ADAMTS12: variants seen among roughly 807,000 people sequenced by gnomAD.
ADAMTS12 encodes ADAM metallopeptidase with thrombospondin type 1 motif 12.
In ADAMTS12, 118 loss-of-function variants were observed where a neutral mutation model predicts 167.8. The observed-to-expected ratio is 0.70, with a 90% confidence interval of 0.61 to 0.82. The LOEUF is 0.82. Ranked by LOEUF, ADAMTS12 falls within the 40% of genes least tolerant of loss-of-function variation. The pLI, the probability that ADAMTS12 is intolerant of heterozygous loss-of-function variation, is 0.00. For synonymous variants in ADAMTS12, 704 were observed against 716.9 expected (o/e 0.98, Z 0.29); for missense variants, 1,916 against 1,998.8 (o/e 0.96, Z 0.79).
At chr5:33,814,542 T>C (rs1322567167) in intron 2 of ADAMTS12, among the ~76,000 whole-genome samples, 5 of 152,194 alleles carry the variant, frequency 3.3e-5, no homozygotes. Flanking sequence ...AGGATGAAGA[T>C]ATAAATTTGG....
At chr5:33,575,834 T>C (rs1746671242) in intron 19 of ADAMTS12, among the ~76,000 whole-genome samples, 1 of 152,318 alleles carries the variant, frequency 6.6e-6, no homozygotes, top group South Asian at 2.1e-4. Flanking sequence ...CTAGACAATA[T>C]ATCTATACAA....
intron 2 of ADAMTS12, among the ~76,000 whole-genome samples, chr5:33,869,157 C>T (rs1278637221): frequency 6.6e-6 from 1 of 152,150 alleles, no homozygotes; most frequent in Non-Finnish European, 1.5e-5. Flanking sequence ...GGCACTACTG[C>T]CCTGTGCAAC....
chr5:33,780,198 A>G (rs550858094), intron 2 of ADAMTS12, among the ~76,000 whole-genome samples: 10 of 152,330 alleles, frequency 6.6e-5, no homozygotes, highest in African/African-American at 2.4e-4. Context: ...AAGAGGAGTA[A>G]AAATTTACCT....
intron 3 of ADAMTS12, among the ~76,000 whole-genome samples, chr5:33,742,128 C>A (rs969895609): frequency 6.6e-6 from 1 of 152,040 alleles, no homozygotes; most frequent in Admixed American, 6.5e-5. Context: ...ATTAAAATTT[C>A]TTGAGGAAAA....
chr5:33,737,952 A>G (rs1744428398), intron 3 of ADAMTS12, among the ~76,000 whole-genome samples: 1 of 152,208 alleles, frequency 6.6e-6, no homozygotes, highest in African/African-American at 2.4e-5. Flanking sequence ...TAACAGTAGT[A>G]GGAAAGTAGT....
At chr5:33,791,631 G>T (rs1035831603) in intron 2 of ADAMTS12, among the ~76,000 whole-genome samples, 1 of 152,196 alleles carries the variant, frequency 6.6e-6, no homozygotes, top group African/African-American at 2.4e-5. Context: ...ATTCTCTAGA[G>T]AAAATGTCCA....
intron 5 of ADAMTS12, among the ~76,000 whole-genome samples, chr5:33,682,817 T>C (rs1742175290): frequency 6.6e-6 from 1 of 152,212 alleles, no homozygotes; most frequent in Non-Finnish European, 1.5e-5. Flanking sequence ...TTCAACTATG[T>C]ATATTTTGGA....
At chr5:33,719,295 G>A (rs898640856) in intron 3 of ADAMTS12, among the ~76,000 whole-genome samples, 29 of 152,220 alleles carry the variant, frequency 1.9e-4, no homozygotes, top group African/African-American at 4.6e-4. Flanking sequence ...TGAAGGGAGC[G>A]CTCTGGAGGG....
At chr5:33,886,040 A>G (rs1407791466) in intron 1 of ADAMTS12, among the ~76,000 whole-genome samples, 1 of 152,228 alleles carries the variant, frequency 6.6e-6, no homozygotes, top group Non-Finnish European at 1.5e-5. Context: ...TTATCCAGAA[A>G]ATAACAATTT....
intron 3 of ADAMTS12, among the ~76,000 whole-genome samples, chr5:33,691,643 G>C (rs1742550582): frequency 6.6e-6 from 1 of 152,206 alleles, no homozygotes; most frequent in South Asian, 2.1e-4. Flanking sequence ...TCTGTGGAAA[G>C]ATGGGTGATG....
At position 33,792,511 on chromosome 5, in the gene ADAMTS12, C is replaced by T. The variant is rs1746617285; in HGVS notation, c.490-40963G>A. Among the ~76,000 whole-genome samples, 3 of 152,098 alleles carry T rather than the reference C, an allele frequency of 2.0e-5. No individual in the cohort carries two copies. In the South Asian group the frequency reaches 6.2e-4, roughly 32 times the overall value. On this transcript the variant is annotated intron_variant, in intron 2 of 23. Transcript: ENST00000504830. Reference sequence around the variant, plus strand: ...CTCTACAGTTTACATAATTGACATCCAATTATTGAATTTGGTGGGCTTATT... The same window carrying T: ...CTCTACAGTTTACATAATTGACATCTAATTATTGAATTTGGTGGGCTTATT...
chr5:33,723,499 C>CT (rs1483140929), intron 3 of ADAMTS12, among the ~76,000 whole-genome samples: 2 of 152,254 alleles, frequency 1.3e-5, no homozygotes, highest in East Asian at 3.9e-4. Context: ...ATTGTTCTTT[C>CT]TTTAACAGGG....
At chr5:33,727,067 C>G (rs1461440138) in intron 3 of ADAMTS12, among the ~76,000 whole-genome samples, 1 of 152,162 alleles carries the variant, frequency 6.6e-6, no homozygotes, top group Non-Finnish European at 1.5e-5. Context: ...AGCTTCCTCT[C>G]TCTCTCCTCT....
chr5:33,863,202 G>A (rs1047789144), intron 2 of ADAMTS12, among the ~76,000 whole-genome samples: 12 of 152,156 alleles, frequency 7.9e-5, no homozygotes, highest in African/African-American at 2.7e-4. Flanking sequence ...GGGCAATCAG[G>A]CAAGAGAAAG....
At chr5:33,820,189 A>G (rs939717400) in intron 2 of ADAMTS12, among the ~76,000 whole-genome samples, 2 of 152,194 alleles carry the variant, frequency 1.3e-5, no homozygotes, top group African/African-American at 4.8e-5. Context: ...AGATGTTTTC[A>G]ATCAAAAATT....
At chr5:33,837,129 G>T (rs1326136455) in intron 2 of ADAMTS12, among the ~76,000 whole-genome samples, 1 of 152,006 alleles carries the variant, frequency 6.6e-6, no homozygotes, top group Non-Finnish European at 1.5e-5. Flanking sequence ...CTTTAAAAAA[G>T]TCCCTCTGGC....
At chr5:33,604,527 G>A (rs1228334890) in intron 16 of ADAMTS12, among the ~76,000 whole-genome samples, 35 of 148,222 alleles carry the variant, frequency 2.4e-4, no homozygotes, top group Admixed American at 3.4e-4. Flanking sequence ...GAAAAGAAAA[G>A]AAAAGAAAGA....
chr5:33,598,727 C>T (rs1043759973), intron 16 of ADAMTS12, among the ~76,000 whole-genome samples: 2 of 152,172 alleles, frequency 1.3e-5, no homozygotes, highest in African/African-American at 2.4e-5. Flanking sequence ...ATATTGCCTT[C>T]GTGAGTGTGC....
Position 33,588,627 on chromosome 5 carries a change from GA to G in ADAMTS12, c.2836del (p.Ser946ArgfsTer36). The G allele has an allele frequency of 6.2e-7, 1 of 1,614,156 alleles. No homozygotes were observed. Among genetic ancestry groups the G allele is most frequent in the Non-Finnish European group, 8.5e-7 (1 of 1,180,032 alleles). ...ACTCCAGTTGCCCACTGTCCAGTCC[GA>G]GGGGCACAGGATGTCTCTGTTGCAG... The part of the protein sequence containing the change: ...LSCNRDILCP[S>X]DWTVGNWSEC... On this transcript the variant is annotated frameshift_variant, in exon 18 of 24. Transcript: ENST00000504830. LOFTEE classifies it high-confidence loss of function.
Sources: allele counts gnomAD v4.1 joint callset (sites outside exome capture counted in the v4.1 genomes callset), GRCh38; gene constraint gnomAD v4.1.1; transcripts MANE v1.5; gene names NCBI Gene and HGNC (gene_info 2026-07-23, HGNC 2026-07-21).